Variants in GRIK2 observed in about 807,000 individuals in gnomAD.
GRIK2 encodes glutamate receptor ionotropic, kainate 2.
In GRIK2, 32 loss-of-function variants were observed where a neutral mutation model predicts 100.3. That is an observed-to-expected ratio of 0.32 (90% CI 0.24 to 0.43). The LOEUF (loss-of-function observed/expected upper bound fraction) is 0.43, where lower values mean the gene tolerates loss of function less well. GRIK2 is among the 20% of genes least tolerant of loss of function. The pLI is 1.00. For missense variants in GRIK2, 843 were observed against 1,114.9 expected, an observed-to-expected ratio of 0.76 and a Z score of 3.47; for synonymous variants, 417 against 389.4, an observed-to-expected ratio of 1.07 and a Z score of -0.83.
Position 101,653,104 on chromosome 6 carries a change from A to G in GRIK2, c.542-23519A>G, listed in dbSNP as rs994778351. ...GCTGAAAGTTGCCTTGAGGTTGTAA[A>G]CAGATTTAAAGAGTGAAAGTAGAGC... On this transcript the variant is annotated intron_variant, in intron 4 of 16. Coordinates refer to ENST00000369134, the MANE Select transcript of GRIK2 (RefSeq NM_021956.5). Among the ~76,000 whole-genome samples the G allele has an allele frequency of 9.2e-5, 14 of 152,270 alleles. No individual in the cohort carries two copies. The East Asian group carries it at 2.1e-3, about 23-fold the overall frequency.
chr6:101,784,532 C>T (rs1779305245), intron 7 of GRIK2, among the ~76,000 whole-genome samples: 1 of 152,156 alleles, frequency 6.6e-6, no homozygotes, highest in South Asian at 2.1e-4. Context: ...GTGAAAAGTA[C>T]ATGAGATTTG....
At chr6:101,582,534 G>A (rs1778152421) in intron 2 of GRIK2, among the ~76,000 whole-genome samples, 1 of 152,148 alleles carries the variant, frequency 6.6e-6, no homozygotes, top group Non-Finnish European at 1.5e-5. Flanking sequence ...GCAGAACTGT[G>A]AGTCAGTTAG....
chr6:101,637,105 T>A (rs138261811), intron 4 of GRIK2, among the ~76,000 whole-genome samples: 207 of 152,262 alleles, frequency 1.4e-3, no homozygotes, highest in African/African-American at 4.8e-3. Flanking sequence ...AAACTCCTTT[T>A]TCTTTTCCTA....
chr6:101,622,388 T>G (rs1780208598), intron 3 of GRIK2, among the ~76,000 whole-genome samples: 1 of 151,714 alleles, frequency 6.6e-6, no homozygotes, highest in African/African-American at 2.4e-5. Flanking sequence ...AGCATTCCTA[T>G]TTTTAAGAAC....
intron 4 of GRIK2, among the ~76,000 whole-genome samples, chr6:101,657,753 T>G (rs1183917702): frequency 1.3e-5 from 2 of 152,166 alleles, no homozygotes; most frequent in African/African-American, 2.4e-5. Flanking sequence ...AATGTCAAGA[T>G]TCAAAAATTC....
At chr6:101,964,886 G>A (rs558352023) in intron 14 of GRIK2, among the ~76,000 whole-genome samples, 59 of 152,302 alleles carry the variant, frequency 3.9e-4, no homozygotes, top group Non-Finnish European at 2.1e-4. Context: ...GGCATAGAGA[G>A]AGAGAGAACA....
At position 101,637,923 on chromosome 6, in the gene GRIK2, C is replaced by T. The variant is rs192859228; in HGVS notation, c.541+11286C>T. 3.3e-5 allele frequency among the ~76,000 whole-genome samples: 5 copies of T among 152,196 alleles called. No homozygotes were observed. The East Asian group carries it at 9.7e-4, about 29-fold the overall frequency. On this transcript the variant is annotated intron_variant, in intron 4 of 16. Transcript: ENST00000369134. ...CTTTCCCATTTGGTGGCCTATTCAT[C>T]ACCTGTAAGATGTACCTTAAAATAG...
Position 101,567,344 on chromosome 6 carries a change from C to T in GRIK2, c.116-54605C>T, listed in dbSNP as rs1174446783. On this transcript the variant is annotated intron_variant, in intron 2 of 16. Transcript: ENST00000369134. ...TATATCTCAAAAAGTCTTTTGTTTC[C>T]AATGCATCTTACAAGATAAATGCCA... Among the ~76,000 whole-genome samples, 6 of 151,800 alleles carry T rather than the reference C, an allele frequency of 4.0e-5. No individual in the cohort carries two copies. The South Asian group carries it at 1.2e-3, about 32-fold the overall frequency.
At chr6:101,666,622 C>A (rs1770052788) in intron 4 of GRIK2, among the ~76,000 whole-genome samples, 1 of 152,238 alleles carries the variant, frequency 6.6e-6, no homozygotes, top group Non-Finnish European at 1.5e-5. Flanking sequence ...AAGGCCGGAT[C>A]TCTCTTTAGG....
intron 2 of GRIK2, among the ~76,000 whole-genome samples, chr6:101,454,546 T>A (rs1200405919): frequency 1.3e-5 from 2 of 152,140 alleles, no homozygotes; most frequent in Non-Finnish European, 2.9e-5. Flanking sequence ...ATGCTCAGAT[T>A]TCAACATAGG....
At chr6:101,959,801 A>C (rs185072354) in intron 14 of GRIK2, among the ~76,000 whole-genome samples, 1 of 151,964 alleles carries the variant, frequency 6.6e-6, no homozygotes, top group African/African-American at 2.4e-5. Context: ...TTTTTCCTTC[A>C]TATTGGCTTT....
At chr6:101,571,562 C>T (rs929483144) in intron 2 of GRIK2, among the ~76,000 whole-genome samples, 1 of 152,006 alleles carries the variant, frequency 6.6e-6, no homozygotes, top group African/African-American at 2.4e-5. Flanking sequence ...TATTTTATTT[C>T]CCTTTACTTC....
chr6:102,050,027 C>T (rs964499906), intron 15 of GRIK2, among the ~76,000 whole-genome samples: 3 of 151,944 alleles, frequency 2.0e-5, no homozygotes, highest in Admixed American at 6.6e-5. Context: ...AAAAGAAATG[C>T]TGACTGCATT....
intron 14 of GRIK2, among the ~76,000 whole-genome samples, chr6:101,975,184 G>A (rs1308686501): frequency 6.6e-6 from 1 of 151,838 alleles, no homozygotes; most frequent in East Asian, 2.0e-4. Flanking sequence ...TGTTAACTTT[G>A]AAATACCTAT....
Position 101,898,325 on chromosome 6 carries a change from T to C in GRIK2, c.1748+8462T>C, listed in dbSNP as rs1177466945. Among the ~76,000 whole-genome samples the C allele has an allele frequency of 2.6e-5, 4 of 151,988 alleles. 1 individual carries two copies. Among genetic ancestry groups the C allele is most frequent in the African/African-American group, 4.8e-5 (2 of 41,456 alleles). The stretch of plus-strand genomic sequence containing the variant: ...TATTCAGAAAAGCATTTGTATCACT[T>C]GATTTGTTTTGCCTATCATGTTAAC... On this transcript the variant is annotated intron_variant, in intron 12 of 16. Coordinates refer to ENST00000369134, the MANE Select transcript of GRIK2 (RefSeq NM_021956.5).
At chr6:101,588,028 G>A (rs1465127184) in intron 2 of GRIK2, among the ~76,000 whole-genome samples, 2 of 151,996 alleles carry the variant, frequency 1.3e-5, no homozygotes, top group Non-Finnish European at 2.9e-5. Flanking sequence ...TAATACAAGA[G>A]GAATAAGAGG....
chr6:101,823,857 GTTCTGTTTTTTTTT>G (rs1782122738), intron 10 of GRIK2, among the ~76,000 whole-genome samples: 1 of 141,546 alleles, frequency 7.1e-6, no homozygotes, highest in African/African-American at 2.7e-5. Flanking sequence ...ACATGAGTAA[GTTCTGTTTTTTTTT>G]TTTTGTTTTT....
At chr6:102,053,025 A>C (rs1771278266) in intron 15 of GRIK2, among the ~76,000 whole-genome samples, 2 of 151,818 alleles carry the variant, frequency 1.3e-5, no homozygotes, top group South Asian at 4.2e-4. Flanking sequence ...CCAAGATCCC[A>C]CCACTGCACT....
chr6:101,726,208 G>A (rs1023541222), intron 7 of GRIK2, among the ~76,000 whole-genome samples: 1 of 151,904 alleles, frequency 6.6e-6, no homozygotes, highest in African/African-American at 2.4e-5. Flanking sequence ...AGTGTCCAGA[G>A]AAAAGATATA....
Sources: gnomAD v4.1 joint callset for allele counts (sites outside exome capture counted in the v4.1 genomes callset) on GRCh38, gnomAD v4.1.1 for gene constraint, MANE v1.5 for transcripts, NCBI Gene and HGNC (gene_info 2026-07-23, HGNC 2026-07-21) for gene names.